AKAP19: variants seen among roughly 807,000 people sequenced by gnomAD.
The protein encoded by AKAP19 is small A-kinase anchoring protein.
chr2:190,119,269 T>C, the AKAP19 span, among the ~76,000 whole-genome samples: 1,006 of 152,228 alleles, frequency 6.6e-3, 8 homozygotes, highest in Non-Finnish European at 8.9e-3. Context: ...TATACAGAGA[T>C]AGAGCGAGGC....
At chr2:189,913,092 T>C in the AKAP19 span, among the ~76,000 whole-genome samples, 9 of 152,184 alleles carry the variant, frequency 5.9e-5, no homozygotes, top group African/African-American at 2.2e-4. Flanking sequence ...TTTTTCCTCA[T>C]GTATATATTA....
chr2:190,193,324 A>G, the AKAP19 span, among the ~76,000 whole-genome samples: 1 of 152,052 alleles, frequency 6.6e-6, no homozygotes, highest in Admixed American at 6.5e-5. Context: ...TCCATTTTAC[A>G]CGTTAGATTC....
chr2:189,976,268 C>T, the AKAP19 span, among the ~76,000 whole-genome samples: 14 of 152,220 alleles, frequency 9.2e-5, no homozygotes, highest in Non-Finnish European at 1.6e-4. Flanking sequence ...GCCTGAGTAT[C>T]GGCAGCAGAG....
At chr2:190,090,867 C>G in the AKAP19 span, 1 of 152,204 alleles carries the variant, frequency 6.6e-6, no homozygotes, top group African/African-American at 2.4e-5. Context: ...TAATTGCCTG[C>G]TTATTTTTAA....
At chr2:190,033,601 A>T in the AKAP19 span, among the ~76,000 whole-genome samples, 1 of 152,202 alleles carries the variant, frequency 6.6e-6, no homozygotes, top group Non-Finnish European at 1.5e-5. Context: ...TGCATTTATA[A>T]ACTGAGCAGT....
chr2:190,167,315 C>T, the AKAP19 span, among the ~76,000 whole-genome samples: 1 of 152,118 alleles, frequency 6.6e-6, no homozygotes, highest in Non-Finnish European at 1.5e-5. Flanking sequence ...AAGACCTGCC[C>T]CCATGTTTCA....
At chr2:190,160,223 T>C in the AKAP19 span, among the ~76,000 whole-genome samples, 44 of 152,322 alleles carry the variant, frequency 2.9e-4, no homozygotes, top group African/African-American at 9.1e-4. Context: ...GGTCTCAGAA[T>C]AGGTAAATAA....
the AKAP19 span, among the ~76,000 whole-genome samples, chr2:190,027,369 C>G: frequency 6.6e-6 from 1 of 152,118 alleles, no homozygotes; most frequent in African/African-American, 2.4e-5. Flanking sequence ...GCTGTATATA[C>G]CAATCACATT....
the AKAP19 span, among the ~76,000 whole-genome samples, chr2:190,045,189 G>C: frequency 1.9e-4 from 29 of 152,142 alleles, 1 homozygote; most frequent in African/African-American, 6.8e-4. Context: ...GTCCCACCCA[G>C]TGAGGAGGAA....
chr2:190,034,081 T>A, the AKAP19 span, among the ~76,000 whole-genome samples: 19 of 145,108 alleles, frequency 1.3e-4, no homozygotes, highest in East Asian at 3.6e-3. Flanking sequence ...ACTTAAAGTA[T>A]AATAAAAAAA....
chr2:190,079,759 C>T, the AKAP19 span, among the ~76,000 whole-genome samples: 5 of 151,570 alleles, frequency 3.3e-5, no homozygotes, highest in South Asian at 2.1e-4. Flanking sequence ...TGCAGTGAGC[C>T]GAGATTGGGC....
At chr2:189,883,211 G>A in the AKAP19 span, among the ~76,000 whole-genome samples, 1 of 152,112 alleles carries the variant, frequency 6.6e-6, no homozygotes, top group Admixed American at 6.5e-5. Flanking sequence ...TTCACTTCTA[G>A]TAAGTTTCCA....
the AKAP19 span, among the ~76,000 whole-genome samples, chr2:190,040,106 T>C: frequency 6.6e-6 from 1 of 152,232 alleles, no homozygotes; most frequent in African/African-American, 2.4e-5. Flanking sequence ...CATACTGCTT[T>C]CCACAATGGT....
At chr2:189,947,687 T>G in the AKAP19 span, among the ~76,000 whole-genome samples, 1 of 152,122 alleles carries the variant, frequency 6.6e-6, no homozygotes, top group Non-Finnish European at 1.5e-5. Flanking sequence ...GTGATAATAA[T>G]ATATTTAACC....
the AKAP19 span, among the ~76,000 whole-genome samples, chr2:190,178,660 T>C: frequency 5.3e-5 from 8 of 152,192 alleles, no homozygotes; most frequent in African/African-American, 1.9e-4. This position sits in a 1 kb window ranked among gnomAD's most constrained non-coding sequence, Gnocchi z 6.3. Flanking sequence ...CTTGGCTCGG[T>C]GTGTAGGCCT....
the AKAP19 span, among the ~76,000 whole-genome samples, chr2:190,058,933 A>G: frequency 6.6e-6 from 1 of 151,852 alleles, no homozygotes; most frequent in Non-Finnish European, 1.5e-5. Flanking sequence ...ACCACTGTAC[A>G]ATTCATCTAT....
the AKAP19 span, chr2:189,931,025 G>A: frequency 3.2e-6 from 2 of 629,538 alleles, no homozygotes; most frequent in Middle Eastern, 3.8e-4. Flanking sequence ...TGGGGCCAAG[G>A]GGTGGGTGTG....
chr2:190,106,673 A>C, the AKAP19 span, among the ~76,000 whole-genome samples: 2 of 152,172 alleles, frequency 1.3e-5, no homozygotes, highest in Admixed American at 6.6e-5. Context: ...GTCATAGTCC[A>C]ACTGAGGTAT....
chr2:190,082,002 A>G, the AKAP19 span, among the ~76,000 whole-genome samples: 16 of 152,140 alleles, frequency 1.1e-4, no homozygotes, highest in African/African-American at 3.9e-4. Context: ...TGATACAGCT[A>G]TCCACCTGAC....
Sources: gnomAD v4.1 joint callset for allele counts (sites outside exome capture counted in the v4.1 genomes callset) on GRCh38, gnomAD v4.1.1 for gene constraint, Gnocchi (gnomAD v3.1) non-coding constraint, MANE v1.5 for transcripts, NCBI Gene and HGNC (gene_info 2026-07-23, HGNC 2026-07-21) for gene names.